Variants in KIFAP3 observed in about 807,000 individuals in gnomAD.
KIFAP3 encodes kinesin associated protein 3.
A neutral mutation model predicts 106.5 loss-of-function variants in KIFAP3; 68 were observed. That is an observed-to-expected ratio of 0.64 (90% CI 0.53 to 0.78). The LOEUF is 0.78. KIFAP3 is among the 30% of genes least tolerant of loss of function. KIFAP3 has a pLI of 0.00. For missense variants in KIFAP3, 780 were observed against 941.8 expected, an observed-to-expected ratio of 0.83 and a Z score of 2.25; for synonymous variants, 320 against 311.5, an observed-to-expected ratio of 1.03 and a Z score of -0.29.
intron 2 of KIFAP3, among the ~76,000 whole-genome samples, chr1:170,050,260 T>C (rs1264116770): frequency 6.6e-6 from 1 of 151,960 alleles, no homozygotes; most frequent in African/African-American, 2.4e-5. Flanking sequence ...AAGATCACCT[T>C]GCTGAAATAA....
chr1:170,037,498 G>A (rs1347806011), intron 5 of KIFAP3, among the ~76,000 whole-genome samples: 3 of 152,042 alleles, frequency 2.0e-5, no homozygotes, highest in African/African-American at 7.2e-5. Flanking sequence ...GGGAGGCTGA[G>A]GTGGGTGGAT....
At chr1:169,942,960 T>G (rs1184793833) in intron 19 of KIFAP3, among the ~76,000 whole-genome samples, 2 of 128,766 alleles carry the variant, frequency 1.6e-5, no homozygotes, top group Non-Finnish European at 3.1e-5. Flanking sequence ...TAATTTCTTT[T>G]GATTGAAACC....
At chr1:170,074,314 C>A (rs1283473156) in intron 1 of KIFAP3, 122 bp downstream of exon 1, 4 of 1,180,626 alleles carry the variant, frequency 3.4e-6, no homozygotes, top group Non-Finnish European at 4.9e-6. Context: ...TCGGTGACTT[C>A]TCTCCCTGCT....
chr1:170,013,655 T>G (rs1404128237), intron 10 of KIFAP3, among the ~76,000 whole-genome samples: 1 of 152,066 alleles, frequency 6.6e-6, no homozygotes, highest in African/African-American at 2.4e-5. Flanking sequence ...CTACGTCCTG[T>G]AGGATTTGCT....
intron 19 of KIFAP3, among the ~76,000 whole-genome samples, chr1:169,946,275 T>C (rs923482645): frequency 1.3e-5 from 2 of 152,032 alleles, no homozygotes; most frequent in African/African-American, 4.8e-5. Flanking sequence ...AATTTAAAGG[T>C]AGTGAACTAA....
chr1:170,060,418 C>G (rs1050089368), intron 1 of KIFAP3, among the ~76,000 whole-genome samples: 6 of 152,108 alleles, frequency 3.9e-5, no homozygotes, highest in Non-Finnish European at 8.8e-5. Context: ...ACTATTGCTT[C>G]AAAGAGAATA....
intron 3 of KIFAP3, chr1:170,041,887 G>A: frequency 1.5e-6 from 2 of 1,364,130 alleles, no homozygotes; most frequent in Non-Finnish European, 1.9e-6. Flanking sequence ...ACTGGAAGGA[G>A]AATAAAGGGC....
At position 170,079,865 on chromosome 1, in the gene KIFAP3, A is replaced by AT. The variant is rs563050888; in HGVS notation, n.174+5169dup. 2.2e-3 allele frequency among the ~76,000 whole-genome samples: 339 copies of AT among 150,736 alleles called. 2 individuals carry two copies. Among genetic ancestry groups the AT allele is most frequent in the African/African-American group, 7.7e-3 (317 of 41,152 alleles). ...ATGTAAATTGCTTTGGCTAGTATGG[A>AT]TTTTTTTTTAACAATATGAAGTCTT... On this transcript the variant is annotated intron_variant and non_coding_transcript_variant, in intron 1 of 5. Coordinates refer to the KIFAP3 transcript ENST00000490550.
At chr1:169,961,727 T>C (rs1164841924) in intron 17 of KIFAP3, among the ~76,000 whole-genome samples, 3 of 152,190 alleles carry the variant, frequency 2.0e-5, no homozygotes, top group Non-Finnish European at 4.4e-5. Flanking sequence ...TGAAGATCTT[T>C]ATGATGATTC....
intron 11 of KIFAP3, among the ~76,000 whole-genome samples, chr1:169,985,067 C>G (rs958015757): frequency 5.9e-5 from 9 of 151,756 alleles, no homozygotes; most frequent in African/African-American, 2.2e-4. Context: ...GAATTAAAAG[C>G]AAGCAAGCAT....
At chr1:169,967,647 GACTT>G (rs1320291326) in intron 17 of KIFAP3, among the ~76,000 whole-genome samples, 4 of 151,720 alleles carry the variant, frequency 2.6e-5, no homozygotes, top group Non-Finnish European at 4.4e-5. Flanking sequence ...ACAAAACTAA[GACTT>G]ACTTAAGCTC....
At chr1:170,071,299 T>C (rs535975918) in intron 1 of KIFAP3, among the ~76,000 whole-genome samples, 1 of 152,290 alleles carries the variant, frequency 6.6e-6, no homozygotes, top group African/African-American at 2.4e-5. Context: ...TCACAGCAGC[T>C]TTATTCCCAA....
intron 1 of KIFAP3, among the ~76,000 whole-genome samples, chr1:170,070,458 A>G (rs538454963): frequency 3.3e-5 from 5 of 152,176 alleles, no homozygotes; most frequent in Non-Finnish European, 2.9e-5. Context: ...AGATAGATCA[A>G]TGAAATATAA....
intron 16 of KIFAP3, among the ~76,000 whole-genome samples, chr1:169,974,006 TATC>T (rs1401566790): frequency 6.6e-6 from 1 of 151,862 alleles, no homozygotes; most frequent in East Asian, 1.9e-4. Flanking sequence ...GAAGTGAAAT[TATC>T]ATATTGGATA....
At chr1:170,041,031 G>A (rs2102068569) in intron 3 of KIFAP3, among the ~76,000 whole-genome samples, 1 of 152,084 alleles carries the variant, frequency 6.6e-6, no homozygotes, top group South Asian at 2.1e-4. Flanking sequence ...CACCATGTTG[G>A]CCAGGATGGT....
chr1:169,972,723 A>G, intron 16 of KIFAP3, 125 bp from the exon 17 acceptor site: 1 of 523,822 alleles, frequency 1.9e-6, no homozygotes, highest in South Asian at 2.9e-5. Context: ...TTTTAAAATA[A>G]AATCATTAAT....
chr1:169,935,154 G>A (rs763330924), intron 19 of KIFAP3, among the ~76,000 whole-genome samples: 5 of 151,894 alleles, frequency 3.3e-5, no homozygotes, highest in Non-Finnish European at 4.4e-5. Flanking sequence ...AAGAGCTCTT[G>A]CATATTTATC....
intron 9 of KIFAP3, among the ~76,000 whole-genome samples, chr1:170,021,226 A>G (rs1252382782): frequency 6.6e-6 from 1 of 152,116 alleles, no homozygotes; most frequent in Non-Finnish European, 1.5e-5. Context: ...CATCAAGAGT[A>G]AAATAAACAC....
At chr1:170,034,085 T>C (rs187463987) in intron 7 of KIFAP3, among the ~76,000 whole-genome samples, 13 of 151,932 alleles carry the variant, frequency 8.6e-5, no homozygotes, top group African/African-American at 2.9e-4. Context: ...GATGTAATGA[T>C]GTAACCACTT....
Sources: allele counts gnomAD v4.1 joint callset (sites outside exome capture counted in the v4.1 genomes callset), GRCh38; gene constraint gnomAD v4.1.1; transcripts MANE v1.5; gene names NCBI Gene and HGNC (gene_info 2026-07-23, HGNC 2026-07-21).